The following CALM2 variants were observed in gnomAD, a reference collection of about 807,000 sequenced individuals.
CALM2 encodes the protein calmodulin-2.
CALM2 carries 2 observed loss-of-function variants against 19.8 expected under a neutral mutation model. The observed-to-expected ratio is 0.10, with a 90% confidence interval of 0.04 to 0.32. The LOEUF is 0.32. Ranked by LOEUF, CALM2 falls within the 10% of genes least tolerant of loss-of-function variation. The pLI, the probability that CALM2 is intolerant of heterozygous loss-of-function variation, is 1.00. For missense variants in CALM2, 38 were observed against 178.7 expected (o/e 0.21, Z 4.49); for synonymous variants, 51 against 52.1 (o/e 0.98, Z 0.09).
intron 2 of CALM2, among the ~76,000 whole-genome samples, chr2:47,170,404 G>A (rs949142956): frequency 3.9e-5 from 6 of 151,986 alleles, no homozygotes; most frequent in East Asian, 3.8e-4. Context: ...CTTTTCTAGC[G>A]TGTTAGCTAG....
Position 47,176,494 on chromosome 2 carries a change from G to T in CALM2, c.-51C>A. 1.9e-6 allele frequency: 3 copies of T among 1,611,366 alleles called. No homozygotes were observed. The highest frequency in any genetic ancestry group is 1.1e-5 in the South Asian group (1 of 90,460). On this transcript the variant is annotated 5_prime_UTR_variant, in exon 1 of 6. Coordinates refer to ENST00000272298, the MANE Select transcript of CALM2 (RefSeq NM_001743.6). ...ACGCGACCACACAACCACTCAGCTC[G>T]CTCTCTCCACTCGGACTAATTCGCC...
chr2:47,162,008 A>G (rs1314580039), intron 4 of CALM2, 150 bp from the exon 5 acceptor site: 1 of 693,302 alleles, frequency 1.4e-6, no homozygotes, highest in Non-Finnish European at 2.4e-6. Context: ...TACAAATGTC[A>G]TTAAGAGCCA....
chr2:47,167,352 G>C (rs1263517161), intron 2 of CALM2: 1 of 152,104 alleles, frequency 6.6e-6, no homozygotes, highest in African/African-American at 2.4e-5. Flanking sequence ...AAATGAAATT[G>C]TTAGTGATGT....
At position 47,176,464 on chromosome 2, in the gene CALM2, C is replaced by T; in HGVS notation, c.-21G>A. ...ACCATGCTGCAAGCGCTACCGGTTTCCGAGACGCGACCACACAACCACTCA... is the reference window on the plus strand; with the variant it reads ...ACCATGCTGCAAGCGCTACCGGTTTTCGAGACGCGACCACACAACCACTCA... On this transcript the variant is annotated 5_prime_UTR_variant, in exon 1 of 6. Transcript: ENST00000272298. The T allele has an allele frequency of 2.5e-6, 4 of 1,613,838 alleles. No homozygotes were observed. The highest frequency in any genetic ancestry group is 3.4e-6 in the Non-Finnish European group (4 of 1,179,982).
At chr2:47,167,814 C>CCTTTTTTTTTT (rs775532408) in intron 2 of CALM2, 1 of 96,526 alleles carries the variant, frequency 1.0e-5, no homozygotes, top group East Asian at 2.4e-4. Context: ...TTTTTCTTTT[C>CCTTTTTTTTTT]TTTGAGACAG....
chr2:47,175,000 C>T (rs1354052993), intron 1 of CALM2, among the ~76,000 whole-genome samples: 2 of 151,556 alleles, frequency 1.3e-5, no homozygotes, highest in African/African-American at 4.8e-5. Flanking sequence ...GTCACCTTGC[C>T]TCCTGGACAC....
intron 1 of CALM2, chr2:47,172,867 G>A (rs556190803): frequency 1.3e-5 from 2 of 148,826 alleles, no homozygotes; most frequent in Non-Finnish European, 3.0e-5. Flanking sequence ...TGAAACATGA[G>A]AAGCCTTAGG....
intron 1 of CALM2, among the ~76,000 whole-genome samples, chr2:47,175,939 G>A (rs1205032622): frequency 6.6e-6 from 1 of 151,366 alleles, no homozygotes; most frequent in Non-Finnish European, 1.5e-5. Flanking sequence ...CTGCGACGCC[G>A]ACGCTCGCCC....
chr2:47,173,943 G>A (rs1666761796), intron 1 of CALM2: 1 of 152,098 alleles, frequency 6.6e-6, no homozygotes, highest in South Asian at 2.1e-4. Flanking sequence ...TAAAAATTAG[G>A]GCTATTACTA....
chr2:47,166,857 C>T (rs1240415013), intron 2 of CALM2, among the ~76,000 whole-genome samples: 1 of 152,146 alleles, frequency 6.6e-6, no homozygotes, highest in African/African-American at 2.4e-5. Flanking sequence ...CTATCTTCTA[C>T]ATAATTGATA....
chr2:47,170,284 T>C (rs1209660379), intron 2 of CALM2, among the ~76,000 whole-genome samples: 1 of 152,222 alleles, frequency 6.6e-6, no homozygotes, highest in African/African-American at 2.4e-5. Context: ...CCCTGACTGA[T>C]TATATATGCA....
chr2:47,168,057 G>C (rs11695036), intron 2 of CALM2, among the ~76,000 whole-genome samples: 2 of 152,038 alleles, frequency 1.3e-5, no homozygotes, highest in African/African-American at 4.8e-5. Flanking sequence ...TAGTGCTCTA[G>C]AACTTTTTTG....
At chr2:47,174,083 ATTTTC>A (rs1666766191) in intron 1 of CALM2, 1 of 152,106 alleles carries the variant, frequency 6.6e-6, no homozygotes, top group South Asian at 2.1e-4. Flanking sequence ...AGTGACAAAA[ATTTTC>A]TACCTTTTTA....
At chr2:47,175,620 A>C (rs1032867486) in intron 1 of CALM2, among the ~76,000 whole-genome samples, 1 of 152,064 alleles carries the variant, frequency 6.6e-6, no homozygotes, top group East Asian at 1.9e-4. Context: ...AAGACGCCCC[A>C]GGGCCCAGAT....
chr2:47,161,625 T>TG (rs138521350), intron 5 of CALM2, 98 bp downstream of exon 5: 2 of 1,105,564 alleles, frequency 1.8e-6, no homozygotes, highest in African/African-American at 1.6e-5. Flanking sequence ...CAACCTAATT[T>TG]CAGGGGAAGG....
At chr2:47,171,663 T>C (rs1289191195) in intron 1 of CALM2, 1 of 152,170 alleles carries the variant, frequency 6.6e-6, no homozygotes, top group African/African-American at 2.4e-5. Flanking sequence ...TCACTGCTTA[T>C]TAGTATATAC....
intron 1 of CALM2, among the ~76,000 whole-genome samples, chr2:47,175,703 CAATGGCCCCGCA>C (rs1558702945): frequency 1.3e-5 from 2 of 151,886 alleles, no homozygotes; most frequent in African/African-American, 4.8e-5. Flanking sequence ...CCATCCCCGC[CAATGGCCCCGCA>C]GCGCCAAGGA....
In CALM2 at chr2:47,168,195, A is replaced by G. The variant is rs148568656; in HGVS notation, c.34+2539T>C. On this transcript the variant is annotated intron_variant, in intron 2 of 5. Coordinates refer to ENST00000272298, the MANE Select transcript of CALM2 (RefSeq NM_001743.6). ...CACATGATTTTTATTTTAGTAGCAT[A>G]GAAGTTTTGGTTCCTCTGCCCTAAA... Among the ~76,000 whole-genome samples the G allele has an allele frequency of 4.8e-3, 737 of 152,290 alleles. 6 individuals carry two copies. Among genetic ancestry groups the G allele is most frequent in the Non-Finnish European group, 8.2e-3 (557 of 68,030 alleles).
At chr2:47,161,925 T>A (rs1687169572) in intron 4 of CALM2, 67 bp from the exon 5 acceptor site, 1 of 1,286,992 alleles carries the variant, frequency 7.8e-7, no homozygotes, top group Non-Finnish European at 1.1e-6. Flanking sequence ...GGAAATTTAT[T>A]AAGTTTACTA....
Sources: gnomAD v4.1 joint callset for allele counts (sites outside exome capture counted in the v4.1 genomes callset) on GRCh38, gnomAD v4.1.1 for gene constraint, MANE v1.5 for transcripts, NCBI Gene and HGNC (gene_info 2026-07-23, HGNC 2026-07-21) for gene names.